The following TP53BP1 variants were observed in gnomAD, a reference collection of about 807,000 sequenced individuals.
TP53BP1 encodes tumor protein p53 binding protein 1, also known as TP53-binding protein 1.
A neutral mutation model predicts 200.8 loss-of-function variants in TP53BP1; 61 were observed. That is an observed-to-expected ratio of 0.30 (90% CI 0.25 to 0.38). The LOEUF (loss-of-function observed/expected upper bound fraction) is 0.38, where lower values mean the gene tolerates loss of function less well. TP53BP1 is among the 10% of genes least tolerant of loss of function. The pLI, the probability that TP53BP1 is intolerant of heterozygous loss-of-function variation, is 1.00. For synonymous variants in TP53BP1, 822 were observed against 844.3 expected, an observed-to-expected ratio of 0.97 and a Z score of 0.46; for missense variants, 2,144 against 2,371.9, an observed-to-expected ratio of 0.90 and a Z score of 2.00.
At chr15:43,509,340 T>C (rs924851411) in intron 1 of TP53BP1, among the ~76,000 whole-genome samples, 1 of 152,182 alleles carries the variant, frequency 6.6e-6, no homozygotes, top group African/African-American at 2.4e-5. Context: ...CATGTCCAAA[T>C]TGGTTGCAGA....
At position 43,432,322 on chromosome 15, in the gene TP53BP1, A is replaced by T. The variant is rs756942411; in HGVS notation, c.3547T>A (p.Cys1183Ser). 1.9e-6 allele frequency: 3 copies of T among 1,614,172 alleles called. No individual in the cohort carries two copies. The highest frequency in any genetic ancestry group is 2.5e-6 in the Non-Finnish European group (3 of 1,180,022). ...TCCACTGTACTGGTCCCCTGCTCAC[A>T]CACATTCTTTATAGTCTGGGTTGCT... Reference protein sequence around the residue: ...SAATQTIKNVCEQGTSTVDQN... With the variant: ...SAATQTIKNVSEQGTSTVDQN... The change falls in exon 17 of 28, where the codon TGT (cysteine) becomes AGT (serine). Residue 1183 changes from cysteine to serine, a missense_variant. By Grantham distance (112) the Cys-to-Ser change is moderately radical. Transcript: ENST00000382044.
intron 17 of TP53BP1, among the ~76,000 whole-genome samples, chr15:43,429,483 T>C (rs1281275348): frequency 4.6e-5 from 7 of 152,226 alleles, no homozygotes; most frequent in Non-Finnish European, 1.0e-4. Context: ...CAGCATTCAG[T>C]ATCAAAGTAG....
rs1711625585 is a variant in TP53BP1 at position 43,404,389 on chromosome 15, A to T, written c.*2994T>A. 1.2e-6 allele frequency: 2 copies of T among 1,613,396 alleles called. No homozygotes were observed. Among genetic ancestry groups the T allele is most frequent in the Non-Finnish European group, 1.7e-6 (2 of 1,179,590 alleles). ...AGAGTTGGTGAGCTGAAGTGGAATG[A>T]CAGCTGAGTCCTTCTCTCTGCAGGG... On this transcript the variant is annotated 3_prime_UTR_variant, in exon 28 of 28. Coordinates refer to ENST00000382044, the MANE Select transcript of TP53BP1 (RefSeq NM_001141980.3).
intron 9 of TP53BP1, 143 bp from the exon 10 acceptor site, chr15:43,474,910 A>T: frequency 1.8e-6 from 1 of 557,486 alleles, no homozygotes; most frequent in Non-Finnish European, 3.2e-6. Flanking sequence ...CAGCAACCTG[A>T]GGCTGGTGGA....
chr15:43,420,310 C>A lies in TP53BP1; in HGVS notation c.4676G>T (p.Ser1559Ile). 1 of 1,612,934 alleles carries A rather than the reference C, an allele frequency of 6.2e-7. No homozygotes were observed. The highest frequency in any genetic ancestry group is 1.1e-5 in the South Asian group (1 of 91,026). The change falls in exon 21 of 28, where the codon AGT (serine) becomes ATT (isoleucine). Residue 1559 changes from serine to isoleucine, a missense_variant. Around this residue, in one of 4 missense-constraint regions of TP53BP1, gnomAD observed 61 missense variants for 147.5 expected, o/e 0.41. Coordinates refer to ENST00000382044, the MANE Select transcript of TP53BP1 (RefSeq NM_001141980.3). The part of the protein sequence containing the change: ...VTALSEDEYF[S>I]AGVVKGHRKE... ...AACTCTGCTTCTTTCATTACCTGCA[C>A]TGAAATACTCATCCTCCGAGAGGGC...
intron 12 of TP53BP1, 97 bp downstream of exon 12, chr15:43,455,795 T>C (rs2046279060): frequency 7.3e-6 from 10 of 1,376,450 alleles, no homozygotes; most frequent in Admixed American, 2.5e-5. Flanking sequence ...AAACCAAAGA[T>C]AGTGTTCACT....
chr15:43,440,541 C>G (rs1047918439), intron 15 of TP53BP1, among the ~76,000 whole-genome samples: 1 of 149,490 alleles, frequency 6.7e-6, no homozygotes, highest in African/African-American at 2.5e-5. Flanking sequence ...AAAAAACACT[C>G]TGTCTTGTAC....
intron 12 of TP53BP1, among the ~76,000 whole-genome samples, chr15:43,454,118 T>C (rs937222471): frequency 2.0e-5 from 3 of 151,410 alleles, no homozygotes; most frequent in East Asian, 4.1e-4. Flanking sequence ...GGCAGGAGAA[T>C]TGCTTGAACC....
intron 10 of TP53BP1, among the ~76,000 whole-genome samples, chr15:43,473,779 C>A (rs2046784285): frequency 6.6e-6 from 1 of 152,198 alleles, no homozygotes; most frequent in Admixed American, 6.5e-5. Context: ...TCTCCACGTC[C>A]TCACCAGACT....
chr15:43,483,086 C>T (rs1431550528), intron 4 of TP53BP1, among the ~76,000 whole-genome samples: 1 of 152,120 alleles, frequency 6.6e-6, no homozygotes, highest in East Asian at 1.9e-4. Flanking sequence ...GGAATTATTA[C>T]TTTAAGTGTG....
At chr15:43,467,426 TAA>T in intron 11 of TP53BP1, among the ~76,000 whole-genome samples, 1 of 152,298 alleles carries the variant, frequency 6.6e-6, no homozygotes, top group South Asian at 2.1e-4. Context: ...AGGCATCTTA[TAA>T]AATATGAGTT....
At chr15:43,482,046 T>C (rs958569864) in intron 4 of TP53BP1, among the ~76,000 whole-genome samples, 2 of 150,042 alleles carry the variant, frequency 1.3e-5, no homozygotes, top group African/African-American at 4.9e-5. Context: ...GCTAACATGG[T>C]GAAACCCCAT....
intron 26 of TP53BP1, 140 bp downstream of exon 26, chr15:43,408,756 GA>G: frequency 1.3e-6 from 1 of 779,164 alleles, no homozygotes; most frequent in Admixed American, 2.6e-5. Flanking sequence ...ATAAACTCCT[GA>G]AGTCATTTCA....
upstream of TP53BP1, chr15:43,493,215 C>T (rs2140161536): frequency 2.0e-6 from 3 of 1,471,234 alleles, no homozygotes; most frequent in Non-Finnish European, 2.7e-6. Flanking sequence ...CCGCCCGCCA[C>T]TCAAGAAATC....
At chr15:43,444,801 A>G (rs1044866305) in intron 14 of TP53BP1, among the ~76,000 whole-genome samples, 14 of 152,158 alleles carry the variant, frequency 9.2e-5, no homozygotes, top group African/African-American at 3.1e-4. Flanking sequence ...GTAGTCTTCA[A>G]TAGCTTCCCC....
intron 18 of TP53BP1, among the ~76,000 whole-genome samples, chr15:43,425,198 A>C (rs2045498350): frequency 6.6e-6 from 1 of 152,188 alleles, no homozygotes; most frequent in South Asian, 2.1e-4. Context: ...TCAGGTGTTT[A>C]AATATAGCAA....
chr15:43,421,272 T>C (rs1490239042), intron 19 of TP53BP1, 98 bp from the exon 20 acceptor site: 2 of 1,314,804 alleles, frequency 1.5e-6, no homozygotes, highest in African/African-American at 1.5e-5. Context: ...CAGGCCTACA[T>C]GTGCTGAGCC....
chr15:43,437,039 G>A (rs2045815222), intron 16 of TP53BP1, among the ~76,000 whole-genome samples: 2 of 152,062 alleles, frequency 1.3e-5, no homozygotes, highest in South Asian at 4.2e-4. Flanking sequence ...CATGCCTGTA[G>A]TCCTAGCCAC....
intron 11 of TP53BP1, among the ~76,000 whole-genome samples, chr15:43,461,554 T>C (rs2046432364): frequency 6.6e-6 from 1 of 152,182 alleles, no homozygotes; most frequent in Non-Finnish European, 1.5e-5. Context: ...TATCACATGA[T>C]AGAATGTTTT....
Sources: gnomAD v4.1 joint callset for allele counts (sites outside exome capture counted in the v4.1 genomes callset) on GRCh38, gnomAD v4.1.1 for gene constraint, gnomAD v4.1.1 regional missense constraint, MANE v1.5 for transcripts, NCBI Gene and HGNC (gene_info 2026-07-23, HGNC 2026-07-21) for gene names.